The following TNKS variants were observed in gnomAD, a reference collection of about 807,000 sequenced individuals.
The protein encoded by TNKS is tankyrase.
Under a neutral mutation model 135.8 loss-of-function variants are expected in TNKS, and 72 were observed. The observed-to-expected ratio is 0.53, with a 90% CI of 0.44 to 0.64. The LOEUF (loss-of-function observed/expected upper bound fraction) is 0.64, where lower values mean the gene tolerates loss of function less well. TNKS is among the 30% of genes least tolerant of loss of function. The probability of loss-of-function intolerance (pLI) is 0.00; values close to 1 mark genes in which losing one functional copy is unlikely to be tolerated. For missense variants in TNKS, 1,769 were observed against 1,674.0 expected, an observed-to-expected ratio of 1.06 and a Z score of -0.99; for synonymous variants, 849 against 649.3, an observed-to-expected ratio of 1.31 and a Z score of -4.68.
intron 3 of TNKS, among the ~76,000 whole-genome samples, chr8:9,616,884 A>G (rs7826361): frequency 6.6e-6 from 1 of 152,182 alleles, no homozygotes; most frequent in Non-Finnish European, 1.5e-5. Context: ...GCCTGCTCAG[A>G]TTCTACAGCC....
Position 9,780,869 on chromosome 8 carries a change from C to T in TNKS, c.*4133C>T, listed in dbSNP as rs1325046623. ...CCATTTCAATTTCTCCATATTGGAA[C>T]TTCCTCAGCTACCAGATTTCTGGTT... On this transcript the variant is annotated 3_prime_UTR_variant, in exon 27 of 27. Coordinates refer to ENST00000310430, the MANE Select transcript of TNKS (RefSeq NM_003747.3). 1 of 152,186 alleles carries T rather than the reference C, an allele frequency of 6.6e-6. No homozygotes were observed. The highest frequency in any genetic ancestry group is 1.5e-5 in the Non-Finnish European group (1 of 68,036). The allele number at this position is 152,186 out of a possible 1,614,324, so 9.4% of individuals were successfully genotyped here.
At chr8:9,624,717 A>G (rs1389539363) in intron 3 of TNKS, among the ~76,000 whole-genome samples, 2 of 152,038 alleles carry the variant, frequency 1.3e-5, no homozygotes, top group African/African-American at 4.8e-5. Flanking sequence ...TCTGGAAGAG[A>G]CTGTAATGTG....
chr8:9,647,751 T>C (rs1158495289), intron 3 of TNKS, among the ~76,000 whole-genome samples: 2 of 152,206 alleles, frequency 1.3e-5, no homozygotes, highest in Non-Finnish European at 2.9e-5. Context: ...CTGCGTTTTA[T>C]TGAATACAGC....
rs1286303854 is a variant in TNKS at position 9,707,082 on chromosome 8, T to C, written c.1456+85T>C. On this transcript the variant is annotated intron_variant, in intron 8 of 26. Transcript: ENST00000310430. Reference sequence around the variant, plus strand: ...GTTTTATCTACCTTAAATAATAACCTTCCATTCTTACAAGCAGACTAATTC... The same window carrying C: ...GTTTTATCTACCTTAAATAATAACCCTCCATTCTTACAAGCAGACTAATTC... 3.4e-6 allele frequency: 4 copies of C among 1,184,458 alleles called. No homozygotes were observed. The African/African-American group carries it at 4.7e-5, about 14-fold the overall frequency. 73.4% of individuals were successfully genotyped at this position (1,184,458 alleles called of 1,614,324 possible).
chr8:9,626,910 C>A (rs1202201054), intron 3 of TNKS, among the ~76,000 whole-genome samples: 1 of 152,178 alleles, frequency 6.6e-6, no homozygotes, highest in Non-Finnish European at 1.5e-5. Context: ...TCTTCGAAGT[C>A]ATGTCTTTTT....
At chr8:9,746,507 C>T (rs1297723744) in intron 17 of TNKS, among the ~76,000 whole-genome samples, 1 of 152,116 alleles carries the variant, frequency 6.6e-6, no homozygotes, top group East Asian at 1.9e-4. Context: ...TTCCTTTTGT[C>T]TCCTCTGAGG....
intron 3 of TNKS, among the ~76,000 whole-genome samples, chr8:9,671,636 C>G (rs1483475778): frequency 6.6e-6 from 1 of 152,122 alleles, no homozygotes; most frequent in Non-Finnish European, 1.5e-5. Flanking sequence ...AGGGGCCTGA[C>G]TTTTTGGTGT....
rs1013803232 is a variant in TNKS, at chr8:9,626,803, A to C, written c.994+11126A>C. 6.6e-5 allele frequency among the ~76,000 whole-genome samples: 10 copies of C among 152,174 alleles called. 1 individual carries two copies. Among genetic ancestry groups the C allele is most frequent in the African/African-American group, 2.4e-4 (10 of 41,438 alleles). On this transcript the variant is annotated intron_variant, in intron 3 of 26. Coordinates refer to ENST00000310430, the MANE Select transcript of TNKS (RefSeq NM_003747.3). ...CTCCTGTCAGTGTACTTGCTTGGGAATGCTATAGTATTTATTAATCGCAAT... is the reference window on the plus strand; with the variant it reads ...CTCCTGTCAGTGTACTTGCTTGGGACTGCTATAGTATTTATTAATCGCAAT...
At chr8:9,745,534 A>C (rs1468800065) in intron 17 of TNKS, among the ~76,000 whole-genome samples, 2 of 152,038 alleles carry the variant, frequency 1.3e-5, no homozygotes, top group Admixed American at 6.6e-5. Context: ...CCTCCCAAGT[A>C]GCTGGGATTA....
At chr8:9,645,657 T>C (rs1162959111) in intron 3 of TNKS, among the ~76,000 whole-genome samples, 1 of 152,170 alleles carries the variant, frequency 6.6e-6, no homozygotes, top group Non-Finnish European at 1.5e-5. Flanking sequence ...ATGGTCTAAA[T>C]GTATTTTCAA....
At chr8:9,711,719 C>T (rs1453682775) in intron 11 of TNKS, among the ~76,000 whole-genome samples, 2 of 152,130 alleles carry the variant, frequency 1.3e-5, no homozygotes, top group African/African-American at 4.8e-5. Context: ...GTAAAAGTTA[C>T]ACACTTTAGG....
intron 3 of TNKS, among the ~76,000 whole-genome samples, chr8:9,645,601 G>A (rs1422500168): frequency 6.6e-6 from 1 of 152,028 alleles, no homozygotes; most frequent in African/African-American, 2.4e-5. Flanking sequence ...AGTGCTGGGG[G>A]ACTATGAGGC....
chr8:9,769,969 C>A, intron 25 of TNKS, 137 bp from the exon 26 acceptor site: 1 of 710,460 alleles, frequency 1.4e-6, no homozygotes, highest in Non-Finnish European at 2.2e-6. Context: ...CCATCCCATT[C>A]CTACTCATAA....
intron 1 of TNKS, among the ~76,000 whole-genome samples, chr8:9,564,703 T>C (rs1260734306): frequency 6.6e-6 from 1 of 152,234 alleles, no homozygotes; most frequent in African/African-American, 2.4e-5. Flanking sequence ...ATTCTTCTGA[T>C]AGCTAAGTTT....
intron 24 of TNKS, 66 bp from the exon 25 acceptor site, chr8:9,766,173 G>C (rs958781925): frequency 2.2e-6 from 3 of 1,340,794 alleles, no homozygotes; most frequent in Non-Finnish European, 3.1e-6. Flanking sequence ...GATGCAAATA[G>C]TGTGCAGGTA....
intron 3 of TNKS, among the ~76,000 whole-genome samples, chr8:9,642,763 C>G (rs1800771650): frequency 6.9e-6 from 1 of 145,814 alleles, no homozygotes; most frequent in African/African-American, 2.5e-5. Flanking sequence ...CATGACACCT[C>G]TTTTAATAAA....
intron 3 of TNKS, among the ~76,000 whole-genome samples, chr8:9,653,171 G>A (rs947450865): frequency 2.0e-5 from 3 of 152,132 alleles, no homozygotes; most frequent in African/African-American, 7.2e-5. Context: ...TAAAAGGAAG[G>A]ACACAAAGCA....
intron 11 of TNKS, among the ~76,000 whole-genome samples, chr8:9,715,885 G>A (rs1585367321): frequency 6.6e-6 from 1 of 152,060 alleles, no homozygotes; most frequent in East Asian, 1.9e-4. Context: ...TATCCTTCAT[G>A]TGGCAATTTT....
intron 17 of TNKS, among the ~76,000 whole-genome samples, chr8:9,742,810 A>G (rs2128823138): frequency 6.6e-6 from 1 of 150,384 alleles, no homozygotes; most frequent in Non-Finnish European, 1.5e-5. Flanking sequence ...AAGGATATAC[A>G]TGTATATCCT....
Sources: gnomAD v4.1 joint callset for allele counts (sites outside exome capture counted in the v4.1 genomes callset) on GRCh38, gnomAD v4.1.1 for gene constraint, MANE v1.5 for transcripts, NCBI Gene and HGNC (gene_info 2026-07-23, HGNC 2026-07-21) for gene names.